Variants in CHAT observed in about 807,000 individuals in gnomAD.
CHAT encodes the protein acetyl CoA:choline O-acetyltransferase.
Under a neutral mutation model 76.9 loss-of-function variants are expected in CHAT, and 61 were observed. The observed-to-expected ratio is 0.79, with a 90% CI of 0.65 to 0.98. The LOEUF is 0.98. CHAT is among the 50% of genes least tolerant of loss of function. The probability of loss-of-function intolerance (pLI) is 0.00; values close to 1 mark genes in which losing one functional copy is unlikely to be tolerated. For missense variants in CHAT, 946 were observed against 986.9 expected (o/e 0.96, Z 0.56); for synonymous variants, 407 against 397.4 (o/e 1.02, Z -0.29).
At chr10:49,610,805 G>A, upstream of CHAT, 3 of 1,593,904 alleles carry the variant, frequency 1.9e-6, no homozygotes, top group Non-Finnish European at 2.6e-6. Context: ...GAGGCTGTGG[G>A]CGCGGCGCTG....
chr10:49,628,649 C>T (rs1040557547), intron 7 of CHAT, among the ~76,000 whole-genome samples: 6 of 152,190 alleles, frequency 3.9e-5, no homozygotes, highest in African/African-American at 9.7e-5. Context: ...TTCAGACAGG[C>T]GTCAAAAACG....
chr10:49,613,142 G>A (rs887621634), upstream of CHAT: 2 of 152,340 alleles, frequency 1.3e-5, no homozygotes, highest in East Asian at 3.9e-4. Context: ...AGGAGTAGGA[G>A]CCGAGCATTC....
chr10:49,610,414 C>A, upstream of CHAT: 2 of 295,624 alleles, frequency 6.8e-6, no homozygotes, highest in Non-Finnish European at 1.3e-5. Context: ...GGCCTCTTAG[C>A]GCGGCGGGGG....
chr10:49,627,513 G>T, intron 6 of CHAT, 95 bp from the exon 7 acceptor site: 1 of 1,292,410 alleles, frequency 7.7e-7, no homozygotes, highest in South Asian at 1.2e-5. Flanking sequence ...TTGGGCCTGA[G>T]CATCCCTGCC....
At chr10:49,646,102 G>A (rs1197880756) in intron 7 of CHAT, among the ~76,000 whole-genome samples, 1 of 152,406 alleles carries the variant, frequency 6.6e-6, no homozygotes. Context: ...ACACACAGAT[G>A]TGGCTCACAG....
At chr10:49,618,009 G>T (rs1838561728) in intron 2 of CHAT, among the ~76,000 whole-genome samples, 1 of 152,204 alleles carries the variant, frequency 6.6e-6, no homozygotes, top group African/African-American at 2.4e-5. Context: ...CATTCACTCT[G>T]CAGCCTATGG....
At chr10:49,631,270 T>G (rs969924346) in intron 7 of CHAT, among the ~76,000 whole-genome samples, 10 of 152,164 alleles carry the variant, frequency 6.6e-5, no homozygotes, top group Non-Finnish European at 1.5e-4. Flanking sequence ...TCTTACAGTT[T>G]AGCAGGTGGG....
chr10:49,623,531 T>C (rs562340170), intron 5 of CHAT, among the ~76,000 whole-genome samples: 1 of 152,312 alleles, frequency 6.6e-6, no homozygotes, highest in South Asian at 2.1e-4. Context: ...AAAATGTCCT[T>C]AGACTATTGG....
rs114414580 is a variant in CHAT at position 49,620,156 on chromosome 10, T to A, written c.579+240T>A. Among the ~76,000 whole-genome samples the A allele has an allele frequency of 7.2e-3, 1,074 of 150,120 alleles. 13 individuals are homozygous for A. The highest frequency in any genetic ancestry group is 0.024 in the African/African-American group (959 of 40,756). On this transcript the variant is annotated intron_variant, in intron 3 of 14. Transcript: ENST00000337653. ...ACGGATAGAGAAAGAGGCGGACAAA[T>A]CGGGGACAGGAATTGGGACAGATGA...
At chr10:49,626,065 T>A (rs75397586) in intron 6 of CHAT, among the ~76,000 whole-genome samples, 1,556 of 152,306 alleles carry the variant, frequency 0.01, 26 homozygotes, top group African/African-American at 0.035. Context: ...CATGCATTCA[T>A]CCCACTTAAT....
chr10:49,666,185 C>A lies in CHAT; in HGVS notation c.*1139C>A. 6.6e-6 allele frequency among the ~76,000 whole-genome samples: 1 copy of A among 152,254 alleles called. No individual in the cohort carries two copies. The highest frequency in any genetic ancestry group is 6.5e-5 in the Admixed American group (1 of 15,298). ...CCTCAGGGACTTAGGGGACAGCTGG[C>A]AGGGAGCAGGGCTGGGAGGAGGGCA... On this transcript the variant is annotated 3_prime_UTR_variant, in exon 15 of 15. Transcript: ENST00000337653.
At position 49,665,658 on chromosome 10, in the gene CHAT, A is replaced by G. The variant is rs1422637349; in HGVS notation, c.*612A>G. Among the ~76,000 whole-genome samples the G allele has an allele frequency of 2.0e-5, 3 of 152,210 alleles. No homozygotes were observed. The highest frequency in any genetic ancestry group is 3.4e-3 in the Middle Eastern group (1 of 294). ...TAAAATATAGTGACTTGGGCCCACA[A>G]ACACATTTCTGCTTTCGTGCCCAGG... On this transcript the variant is annotated 3_prime_UTR_variant, in exon 15 of 15. Coordinates refer to ENST00000337653, the MANE Select transcript of CHAT (RefSeq NM_020549.5).
intron 1 of CHAT, among the ~76,000 whole-genome samples, chr10:49,615,387 G>A (rs1353565301): frequency 1.3e-5 from 2 of 152,206 alleles, no homozygotes; most frequent in Non-Finnish European, 2.9e-5. Flanking sequence ...CCTGCACTGT[G>A]CCAGCAAGGG....
chr10:49,661,951 C>G (rs1158491025), intron 13 of CHAT, among the ~76,000 whole-genome samples: 1 of 152,156 alleles, frequency 6.6e-6, no homozygotes, highest in East Asian at 1.9e-4. Context: ...AGAAAAAGAA[C>G]TTTTATTATT....
intron 7 of CHAT, among the ~76,000 whole-genome samples, chr10:49,639,540 TACACACACACAC>T (rs3050615): frequency 4.7e-5 from 7 of 147,726 alleles, no homozygotes; most frequent in South Asian, 2.1e-4. Flanking sequence ...AGTATATATA[TACACACACACAC>T]ACACACACAC....
rs1417102531 is a variant in CHAT at position 49,620,542 on chromosome 10, C to T, written c.627C>T (p.Ala209=). The T allele has an allele frequency of 6.2e-7, 1 of 1,613,940 alleles. No homozygotes were observed. The highest frequency in any genetic ancestry group is 8.5e-7 in the Non-Finnish European group (1 of 1,179,862). ...LNDMYLNNRL[A]LPVNSSPAVI... Reference sequence around the variant, plus strand: ...ACATGTATCTCAACAACCGCCTGGCCCTGCCTGTCAACTCCAGCCCTGCCG... The same window carrying T: ...ACATGTATCTCAACAACCGCCTGGCTCTGCCTGTCAACTCCAGCCCTGCCG... The change falls in exon 4 of 15, where the codon GCC becomes GCT. Residue 209 remains alanine, a synonymous_variant. Coordinates refer to ENST00000337653, the MANE Select transcript of CHAT (RefSeq NM_020549.5).
intron 2 of CHAT, 21 bp from the exon 3 acceptor site, chr10:49,619,704 C>T (rs753368943): frequency 2.5e-6 from 4 of 1,605,110 alleles, no homozygotes; most frequent in East Asian, 4.5e-5. Flanking sequence ...AGGCACAATG[C>T]CTATGAACCC....
Position 49,666,300 on chromosome 10 carries a change from G to A in CHAT, c.*1254G>A, listed in dbSNP as rs562612476. 1.3e-5 allele frequency among the ~76,000 whole-genome samples: 2 copies of A among 152,266 alleles called. 1 individual carries two copies. Among genetic ancestry groups the A allele is most frequent in the South Asian group, 4.1e-4 (2 of 4,822 alleles). On this transcript the variant is annotated 3_prime_UTR_variant, in exon 15 of 15. Transcript: ENST00000337653. ...CAGCCCCAGCTCCAGCTCCAGCATG[G>A]GCAGGACAGGCAGGTCAGCAGAGGC...
At position 49,619,889 on chromosome 10, in the gene CHAT, G is replaced by C; in HGVS notation, c.552G>C (p.Leu184=). 6.2e-7 allele frequency: 1 copy of C among 1,612,608 alleles called. No homozygotes were observed. Among genetic ancestry groups the C allele is most frequent in the Non-Finnish European group, 8.5e-7 (1 of 1,179,594 alleles). The change falls in exon 3 of 15, where the codon CTG becomes CTC. Residue 184 remains leucine, a synonymous_variant. Transcript: ENST00000337653. ...GLGETLQQKL[L]ERQEKTANWV... ...GCGAGACCCTGCAGCAGAAACTCCT[G>C]GAGCGGCAGGAGAAGACAGCCAACT...
Sources: allele counts gnomAD v4.1 joint callset (sites outside exome capture counted in the v4.1 genomes callset), GRCh38; gene constraint gnomAD v4.1.1; transcripts MANE v1.5; gene names NCBI Gene and HGNC (gene_info 2026-07-23, HGNC 2026-07-21).